The following NPR3 variants were observed in gnomAD, a reference collection of about 807,000 sequenced individuals.
NPR3 encodes atrial natriuretic peptide receptor 3.
NPR3 carries 34 observed loss-of-function variants against 54.5 expected under a neutral mutation model. The ratio of observed to expected loss-of-function variants is 0.62; its 90% confidence interval spans 0.47 to 0.83. The LOEUF is 0.83. Ranked by LOEUF, NPR3 falls within the 40% of genes least tolerant of loss-of-function variation. The probability of loss-of-function intolerance (pLI) is 0.00; values close to 1 mark genes in which losing one functional copy is unlikely to be tolerated. For synonymous variants in NPR3, 289 were observed against 297.1 expected (o/e 0.97, Z 0.28); for missense variants, 674 against 720.8 (o/e 0.94, Z 0.74).
At chr5:32,781,802 G>A (rs1440202874) in intron 5 of NPR3, among the ~76,000 whole-genome samples, 1 of 152,152 alleles carries the variant, frequency 6.6e-6, no homozygotes, top group African/African-American at 2.4e-5. Flanking sequence ...AGGTTGCAGG[G>A]GTGGAGGTGT....
intron 3 of NPR3, among the ~76,000 whole-genome samples, chr5:32,740,036 A>G (rs949669119): frequency 2.0e-5 from 3 of 152,202 alleles, no homozygotes; most frequent in African/African-American, 7.2e-5. Flanking sequence ...ACACACCACC[A>G]TGCCCAGCTA....
intron 5 of NPR3, among the ~76,000 whole-genome samples, chr5:32,782,379 C>T (rs1326254852): frequency 1.3e-5 from 2 of 152,102 alleles, no homozygotes; most frequent in Non-Finnish European, 2.9e-5. Flanking sequence ...GTAACTTGGG[C>T]CTTACAATTG....
intron 3 of NPR3, among the ~76,000 whole-genome samples, chr5:32,771,647 AAGG>A (rs1361995880): frequency 6.6e-6 from 1 of 152,110 alleles, no homozygotes; most frequent in Admixed American, 6.5e-5. Context: ...GATGGGATGG[AAGG>A]AGGAGGACGA....
At chr5:32,755,955 A>G (rs1740818078) in intron 3 of NPR3, among the ~76,000 whole-genome samples, 1 of 152,194 alleles carries the variant, frequency 6.6e-6, no homozygotes, top group Non-Finnish European at 1.5e-5. Context: ...ATGGCTGCAT[A>G]GTATTCCATG....
intron 3 of NPR3, among the ~76,000 whole-genome samples, chr5:32,762,168 C>T (rs543934431): frequency 3.2e-4 from 48 of 152,192 alleles, no homozygotes; most frequent in African/African-American, 1.1e-3. Flanking sequence ...TTACATGTGC[C>T]ACATTTTCTT....
intron 4 of NPR3, among the ~76,000 whole-genome samples, chr5:32,776,879 CTAGTT>C (rs745482699): frequency 3.6e-4 from 55 of 152,054 alleles, no homozygotes; most frequent in Non-Finnish European, 6.8e-4. Flanking sequence ...AGTAGGGCTG[CTAGTT>C]TAGAGTGGTC....
intron 2 of NPR3, among the ~76,000 whole-genome samples, chr5:32,732,007 C>T (rs1446343320): frequency 6.6e-6 from 1 of 151,608 alleles, no homozygotes; most frequent in Non-Finnish European, 1.5e-5. Flanking sequence ...TTTGGGAGGC[C>T]AAGGCGGGTG....
intron 3 of NPR3, among the ~76,000 whole-genome samples, chr5:32,765,609 G>C (rs866470867): frequency 6.6e-6 from 1 of 152,274 alleles, no homozygotes; most frequent in Middle Eastern, 3.4e-3. Context: ...GTGCAGTATC[G>C]GGAACACAGA....
intron 3 of NPR3, among the ~76,000 whole-genome samples, chr5:32,763,909 G>A (rs1477658302): frequency 2.6e-5 from 4 of 152,128 alleles, no homozygotes; most frequent in African/African-American, 9.7e-5. Flanking sequence ...TGGAAACTTG[G>A]TTTTGGTCTT....
At position 32,786,886 on chromosome 5, in the gene NPR3, CT is replaced by C. The variant is rs1030384773; in HGVS notation, c.*542del. 2 of 153,696 alleles carry C rather than the reference CT, an allele frequency of 1.3e-5. No individual in the cohort carries two copies. The highest frequency in any genetic ancestry group is 4.8e-5 in the African/African-American group (2 of 41,460). The allele number at this position is 153,696 out of a possible 1,614,324, so 9.5% of individuals were successfully genotyped here. A position where few individuals can be genotyped will look rare whatever the true frequency, so the allele number is the denominator to read the frequency against. On this transcript the variant is annotated 3_prime_UTR_variant, in exon 8 of 8. Transcript: ENST00000265074. ...TCTGTCCGATGTCTACATTCAGGTTCTGACTTCATATCTTGAAAAAGGATTT... is the reference window on the plus strand; with the variant it reads ...TCTGTCCGATGTCTACATTCAGGTTCGACTTCATATCTTGAAAAAGGATTT...
intron 1 of NPR3, among the ~76,000 whole-genome samples, chr5:32,700,327 CTT>C (rs1213714219): frequency 2.0e-5 from 3 of 152,160 alleles, no homozygotes; most frequent in African/African-American, 7.2e-5. Context: ...GCCAGTAACT[CTT>C]GAATTTGCCC....
intron 1 of NPR3, among the ~76,000 whole-genome samples, chr5:32,723,398 A>G (rs1197383383): frequency 1.3e-5 from 2 of 152,254 alleles, no homozygotes; most frequent in Non-Finnish European, 2.9e-5. Flanking sequence ...CTTGAATCCA[A>G]CAGTGTGGAT....
chr5:32,715,694 T>C (rs952891355), intron 1 of NPR3, among the ~76,000 whole-genome samples: 1 of 152,206 alleles, frequency 6.6e-6, no homozygotes, highest in African/African-American at 2.4e-5. Context: ...AAATTTAGTT[T>C]TAAAAAGACA....
At chr5:32,783,354 A>G in intron 6 of NPR3, 1 of 203,716 alleles carries the variant, frequency 4.9e-6, no homozygotes, top group East Asian at 1.2e-4. Context: ...TGTCACAGCA[A>G]GTCTCGTTCT....
chr5:32,694,510 C>T (rs1209706287), intron 1 of NPR3, among the ~76,000 whole-genome samples: 1 of 152,224 alleles, frequency 6.6e-6, no homozygotes, highest in African/African-American at 2.4e-5. Flanking sequence ...CTTATTGCTA[C>T]ACCAGGATGA....
At chr5:32,730,706 A>G (rs1739404466) in intron 2 of NPR3, among the ~76,000 whole-genome samples, 1 of 152,220 alleles carries the variant, frequency 6.6e-6, no homozygotes, top group Non-Finnish European at 1.5e-5. Flanking sequence ...AAAATCAACA[A>G]TATAATATCA....
chr5:32,782,859 T>C (rs1742408089), intron 5 of NPR3, 34 bp from the exon 6 acceptor site: 3 of 1,570,300 alleles, frequency 1.9e-6, no homozygotes, highest in Non-Finnish European at 8.6e-7. Context: ...CTTTGACTTT[T>C]TGGTTTGTCT....
Position 32,769,072 on chromosome 5 carries a change from A to G in NPR3, c.1060-5636A>G, listed in dbSNP as rs113094190. 7.6e-3 allele frequency among the ~76,000 whole-genome samples: 1,151 copies of G among 152,320 alleles called. 10 individuals are homozygous for G. The highest frequency in any genetic ancestry group is 0.011 in the Non-Finnish European group (746 of 68,036). Reference sequence around the variant, plus strand: ...GACCAAGTGAGAATTCCATGAAGACAGGCCCACTATAGAACAGGAATTGGG... The same window carrying G: ...GACCAAGTGAGAATTCCATGAAGACGGGCCCACTATAGAACAGGAATTGGG... On this transcript the variant is annotated intron_variant, in intron 3 of 7. Transcript: ENST00000265074.
chr5:32,697,700 C>T (rs1252333717), intron 1 of NPR3, among the ~76,000 whole-genome samples: 1 of 152,026 alleles, frequency 6.6e-6, no homozygotes, highest in Non-Finnish European at 1.5e-5. Context: ...TTTTGGATTT[C>T]TTCATGGTTC....
Sources: gnomAD v4.1 joint callset for allele counts (sites outside exome capture counted in the v4.1 genomes callset) on GRCh38, gnomAD v4.1.1 for gene constraint, MANE v1.5 for transcripts, NCBI Gene and HGNC (gene_info 2026-07-23, HGNC 2026-07-21) for gene names.